The following IQSEC1 variants were observed in gnomAD, a reference collection of about 807,000 sequenced individuals.
The protein encoded by IQSEC1 is IQ motif and SEC7 domain-containing protein 1.
Under a neutral mutation model 91.0 loss-of-function variants are expected in IQSEC1, and 31 were observed. The observed-to-expected ratio is 0.34, with a 90% CI of 0.26 to 0.46. The LOEUF is 0.46. Ranked by LOEUF, IQSEC1 falls within the 20% of genes least tolerant of loss-of-function variation. The probability of loss-of-function intolerance (pLI) is 1.00; values close to 1 mark genes in which losing one functional copy is unlikely to be tolerated. For missense variants in IQSEC1, 1,388 were observed against 1,575.6 expected (o/e 0.88, Z 2.02); for synonymous variants, 699 against 662.6 (o/e 1.05, Z -0.84).
At chr3:13,176,356 AG>A (rs1170698822) in intron 1 of IQSEC1, among the ~76,000 whole-genome samples, 1 of 152,186 alleles carries the variant, frequency 6.6e-6, no homozygotes, top group Admixed American at 6.5e-5. Flanking sequence ...GTAATATAGC[AG>A]AAAACTGCTA....
chr3:13,268,983 AT>A (rs1272403577), intron 1 of IQSEC1, among the ~76,000 whole-genome samples: 1 of 152,248 alleles, frequency 6.6e-6, no homozygotes, highest in Non-Finnish European at 1.5e-5. Flanking sequence ...TGTCAGCACC[AT>A]GAAACGTTCT....
intron 1 of IQSEC1, among the ~76,000 whole-genome samples, chr3:12,942,603 TA>T (rs113626375): frequency 4.7e-4 from 67 of 143,512 alleles, no homozygotes; most frequent in East Asian, 8.2e-4. Flanking sequence ...ACTCCGTCTC[TA>T]AAAAAAAAAA....
intron 8 of IQSEC1, among the ~76,000 whole-genome samples, chr3:12,914,315 G>T (rs1401860145): frequency 6.6e-6 from 1 of 152,228 alleles, no homozygotes; most frequent in Non-Finnish European, 1.5e-5. Context: ...GGCTCTGGGA[G>T]TGCCCAGGTT....
chr3:13,202,804 C>A (rs1342507536), intron 1 of IQSEC1, among the ~76,000 whole-genome samples: 1 of 152,142 alleles, frequency 6.6e-6, no homozygotes, highest in African/African-American at 2.4e-5. Flanking sequence ...CATTGCACCA[C>A]GATAAAAAAA....
Position 12,902,671 on chromosome 3 carries a change from A to AAAAAAAAAAAAAAAAAAAAAAAAAAAC in IQSEC1, c.2805+101_2805+102insGTTTTTTTTTTTTTTTTTTTTTTTTTT. The AAAAAAAAAAAAAAAAAAAAAAAAAAAC allele has an allele frequency of 2.5e-5, 4 of 161,758 alleles. 1 individual carries two copies. Among genetic ancestry groups the AAAAAAAAAAAAAAAAAAAAAAAAAAAC allele is most frequent in the Middle Eastern group, 2.3e-3 (2 of 886 alleles). The allele number at this position is 161,758 out of a possible 1,614,324, so 10.0% of individuals were successfully genotyped here. ...AAAAAAAAACAACAAAAAAAAAACC[A>AAAAAAAAAAAAAAAAAAAAAAAAAAAC]AAAAAAAAAAAAAAAAAAAAAAACC... On this transcript the variant is annotated intron_variant, in intron 13 of 13. Coordinates refer to ENST00000613206, the MANE Select transcript of IQSEC1 (RefSeq NM_001134382.3).
chr3:13,204,816 T>C (rs933222564), intron 1 of IQSEC1, among the ~76,000 whole-genome samples: 8 of 151,370 alleles, frequency 5.3e-5, no homozygotes, highest in African/African-American at 1.9e-4. Flanking sequence ...TTTTTTTTTT[T>C]TTTGACGGAA....
intron 1 of IQSEC1, among the ~76,000 whole-genome samples, chr3:13,165,140 G>A (rs1359910502): frequency 6.6e-6 from 1 of 152,160 alleles, no homozygotes; most frequent in Non-Finnish European, 1.5e-5. Context: ...GAGACAGAAG[G>A]CAGGTAGTCC....
chr3:12,939,436 C>T (rs1174009266), intron 2 of IQSEC1, among the ~76,000 whole-genome samples: 1 of 152,190 alleles, frequency 6.6e-6, no homozygotes, highest in Non-Finnish European at 1.5e-5. Flanking sequence ...GGGTCAGGGG[C>T]CAGAAGAGCA....
chr3:12,900,591 T>G lies in IQSEC1; in HGVS notation c.*392A>C. The stretch of plus-strand genomic sequence containing the variant: ...AATGCAGCAAGTTTTGGGGTTTGTT[T>G]TGTCTGTTTTTGTATCTCATTTCTT... On this transcript the variant is annotated 3_prime_UTR_variant, in exon 14 of 14. Coordinates refer to ENST00000613206, the MANE Select transcript of IQSEC1 (RefSeq NM_001134382.3). 1 of 1,021,284 alleles carries G rather than the reference T, an allele frequency of 9.8e-7. No homozygotes were observed. 63.3% of individuals were successfully genotyped at this position (1,021,284 alleles called of 1,614,324 possible). A position where few individuals can be genotyped will look rare whatever the true frequency, so the allele number is the denominator to read the frequency against.
At chr3:13,089,016 G>T (rs1705789206) in intron 2 of IQSEC1, among the ~76,000 whole-genome samples, 1 of 152,246 alleles carries the variant, frequency 6.6e-6, no homozygotes, top group Non-Finnish European at 1.5e-5. Flanking sequence ...TAACCCAGGG[G>T]CATGAAAAGA....
rs181874475 is a variant in IQSEC1 at position 13,213,994 on chromosome 3, C to T, written c.273-49861G>A. 1.2e-4 allele frequency among the ~76,000 whole-genome samples: 18 copies of T among 152,244 alleles called. No individual in the cohort carries two copies. The East Asian group carries it at 2.1e-3, about 18-fold the overall frequency. On this transcript the variant is annotated intron_variant, in intron 1 of 15. Coordinates refer to the IQSEC1 transcript ENST00000648114. The stretch of plus-strand genomic sequence containing the variant: ...TCTCCCAACCCCAACCTGGACCCAT[C>T]GCTCTCCCCCGGGCTCTTCCTGGTC...
intron 2 of IQSEC1, among the ~76,000 whole-genome samples, chr3:13,081,562 C>T (rs1467505559): frequency 6.6e-6 from 1 of 152,226 alleles, no homozygotes; most frequent in Non-Finnish European, 1.5e-5. Context: ...AGCCACCATG[C>T]CTGGCCTCAA....
At position 12,940,852 on chromosome 3, in the gene IQSEC1, C is replaced by T. The variant is rs983415692; in HGVS notation, c.318+719G>A. 3.3e-5 allele frequency among the ~76,000 whole-genome samples: 5 copies of T among 152,290 alleles called. No homozygotes were observed. The highest frequency in any genetic ancestry group is 6.8e-3 in the Middle Eastern group (2 of 292). ...TTGGAAGCGAGAGCTCTTGGCCTCC[C>T]CAGGGACCGCTCAGGGCCTCGCTCT... is the stretch of plus-strand genomic sequence containing the variant. On this transcript the variant is annotated intron_variant, in intron 2 of 13. Transcript: ENST00000613206. The surrounding 1 kb of genome is among the most constrained non-coding windows in gnomAD (Gnocchi z 4.4).
At position 13,200,100 on chromosome 3, in the gene IQSEC1, C is replaced by T. The variant is rs527496942; in HGVS notation, c.273-35967G>A. 1.9e-3 allele frequency among the ~76,000 whole-genome samples: 286 copies of T among 147,804 alleles called. 2 individuals are homozygous for T. Among genetic ancestry groups the T allele is most frequent in the African/African-American group, 6.3e-3 (250 of 39,482 alleles). On this transcript the variant is annotated intron_variant, in intron 1 of 15. Coordinates refer to the IQSEC1 transcript ENST00000648114. ...AACATGCATATACACAACATGCGCG[C>T]GCACGCACACACACATACACCACAG...
intron 2 of IQSEC1, 101 bp downstream of exon 2, chr3:12,941,470 G>T: frequency 1.6e-6 from 2 of 1,229,788 alleles, no homozygotes; most frequent in Non-Finnish European, 2.2e-6. Context: ...CCCAACTCAA[G>T]TCTATGGGAG....
At chr3:13,142,318 G>A (rs1254162467) in intron 2 of IQSEC1, among the ~76,000 whole-genome samples, 1 of 152,234 alleles carries the variant, frequency 6.6e-6, no homozygotes, top group Non-Finnish European at 1.5e-5. Flanking sequence ...GAGAGTCAGG[G>A]TGGGTGTGGA....
chr3:13,086,586 A>G (rs1487266128), intron 2 of IQSEC1, among the ~76,000 whole-genome samples: 1 of 152,020 alleles, frequency 6.6e-6, no homozygotes, highest in Non-Finnish European at 1.5e-5. Context: ...CCAGCTTCCC[A>G]CTGCACTCAG....
In IQSEC1 at chr3:13,256,143, T is replaced by C. The variant is rs149333580; in HGVS notation, c.272+26568A>G. Among the ~76,000 whole-genome samples, 631 of 152,232 alleles carry C rather than the reference T, an allele frequency of 4.1e-3. 8 individuals are homozygous for C. The highest frequency in any genetic ancestry group is 0.014 in the African/African-American group (593 of 41,526). ...CGGGACTATTGAAGATAATAAATAA[T>C]GTATGTGATATCATAGGTACAGAGT... On this transcript the variant is annotated intron_variant, in intron 1 of 15. Coordinates refer to the IQSEC1 transcript ENST00000648114.
At chr3:12,969,718 C>T (rs1049582491) in intron 1 of IQSEC1, among the ~76,000 whole-genome samples, 3 of 152,230 alleles carry the variant, frequency 2.0e-5, no homozygotes, top group Admixed American at 1.3e-4. Flanking sequence ...CCAAGAATTT[C>T]AGGCACTTCT....
Sources: gnomAD v4.1 joint callset for allele counts (sites outside exome capture counted in the v4.1 genomes callset) on GRCh38, gnomAD v4.1.1 for gene constraint, Gnocchi (gnomAD v3.1) non-coding constraint, MANE v1.5 for transcripts, NCBI Gene and HGNC (gene_info 2026-07-23, HGNC 2026-07-21) for gene names.